The following TJP1 variants were observed in gnomAD, a reference collection of about 807,000 sequenced individuals.
The protein encoded by TJP1 is tight junction protein ZO-1.
Under a neutral mutation model 194.2 loss-of-function variants are expected in TJP1, and 43 were observed. The observed-to-expected ratio is 0.22, with a 90% CI of 0.17 to 0.29. TJP1 has a LOEUF of 0.29. Ranked by LOEUF, TJP1 falls within the 10% of genes least tolerant of loss-of-function variation. The pLI, the probability that TJP1 is intolerant of heterozygous loss-of-function variation, is 1.00. For missense variants in TJP1, 1,971 were observed against 2,185.7 expected (o/e 0.90, Z 1.96); for synonymous variants, 801 against 779.0 (o/e 1.03, Z -0.47).
At chr15:29,878,753 G>T (rs1182331459) in intron 2 of TJP1, among the ~76,000 whole-genome samples, 1 of 152,118 alleles carries the variant, frequency 6.6e-6, no homozygotes, top group Non-Finnish European at 1.5e-5. Context: ...ATTCTTCCTG[G>T]ACTGTCAGGG....
At chr15:29,905,062 T>G (rs7180307) in intron 2 of TJP1, among the ~76,000 whole-genome samples, 2 of 152,174 alleles carry the variant, frequency 1.3e-5, no homozygotes, top group African/African-American at 4.8e-5. Context: ...AAAGGATACA[T>G]TTTTGTTGTT....
Position 29,705,762 on chromosome 15 carries a change from G to C in TJP1, c.4851-17C>G, listed in dbSNP as rs2041858463. 4 of 1,611,140 alleles carry C rather than the reference G, an allele frequency of 2.5e-6. No homozygotes were observed. In the East Asian group the frequency reaches 8.9e-5, roughly 36 times the overall value. ...GCTGAAGGACTGAAAGTTCAGAAAT[G>C]GCTAGTGAGTGAATTCCTAATAATA... On this transcript the variant is annotated splice_polypyrimidine_tract_variant and intron_variant, in intron 25 of 27. Transcript: ENST00000614355.
intron 2 of TJP1, among the ~76,000 whole-genome samples, chr15:29,931,421 A>ACATAAAG (rs1348160824): frequency 6.6e-6 from 1 of 152,218 alleles, no homozygotes; most frequent in Non-Finnish European, 1.5e-5. Context: ...TAGTCACACA[A>ACATAAAG]CATAAAGTTT....
intron 2 of TJP1, among the ~76,000 whole-genome samples, chr15:29,856,523 T>C (rs898099468): frequency 6.6e-6 from 1 of 152,188 alleles, no homozygotes; most frequent in African/African-American, 2.4e-5. Context: ...ATTATAGTTA[T>C]ATTTTTACCT....
chr15:29,716,775 A>G lies in TJP1; in HGVS notation c.4038T>C (p.Tyr1346=), dbSNP rs1451481386. ...PPEDIVRSNH[Y]DPEEDEEYYR... ...AATATTCTTCATCTTCTTCAGGGTC[A>G]TAATGATTGGACCGAACAATATCTT... Residue 1346 remains tyrosine, a synonymous_variant, in exon 23 of 28, where the codon TAT becomes TAC. Transcript: ENST00000614355. 1.2e-6 allele frequency: 2 copies of G among 1,614,166 alleles called. No individual in the cohort carries two copies. Among genetic ancestry groups the G allele is most frequent in the Non-Finnish European group, 8.5e-7 (1 of 1,179,984 alleles).
intron 2 of TJP1, among the ~76,000 whole-genome samples, chr15:29,935,851 G>A (rs888708471): frequency 5.9e-5 from 9 of 151,938 alleles, no homozygotes; most frequent in African/African-American, 1.9e-4. Context: ...TTCAAAACCA[G>A]CAGTGCCAGC....
intron 15 of TJP1, among the ~76,000 whole-genome samples, chr15:29,731,574 A>G (rs1279581199): frequency 1.3e-5 from 2 of 152,236 alleles, no homozygotes; most frequent in Non-Finnish European, 2.9e-5. Context: ...GTTGTTAAAC[A>G]ACATGCTAAA....
intron 2 of TJP1, among the ~76,000 whole-genome samples, chr15:29,792,117 G>A (rs1048290040): frequency 6.6e-6 from 1 of 152,284 alleles, no homozygotes; most frequent in Middle Eastern, 3.4e-3. Context: ...GCAGCTTTGA[G>A]CTTGATGTGA....
intron 8 of TJP1, chr15:29,760,056 A>G (rs1267146467): frequency 3.8e-6 from 2 of 532,922 alleles, no homozygotes; most frequent in East Asian, 6.1e-5. Context: ...GTTTTCCAGA[A>G]TGGCCGTATC....
intron 1 of TJP1, among the ~76,000 whole-genome samples, chr15:29,961,971 C>T (rs2056180497): frequency 6.6e-6 from 1 of 152,198 alleles, no homozygotes; most frequent in African/African-American, 2.4e-5. Flanking sequence ...TGGTCAAGGA[C>T]ATGCAGGAGA....
chr15:29,949,446 C>A (rs2055471956), intron 2 of TJP1, among the ~76,000 whole-genome samples: 1 of 135,734 alleles, frequency 7.4e-6, no homozygotes, highest in African/African-American at 2.7e-5. Context: ...TCCACCTCCA[C>A]CTTCACCACC....
At chr15:29,739,096 C>T (rs940526526) in intron 10 of TJP1, among the ~76,000 whole-genome samples, 1 of 151,920 alleles carries the variant, frequency 6.6e-6, no homozygotes, top group African/African-American at 2.4e-5. Context: ...TTTGGAAATC[C>T]TCTTCTAACC....
At chr15:29,836,880 A>G (rs1401602990) in intron 2 of TJP1, among the ~76,000 whole-genome samples, 2 of 152,188 alleles carry the variant, frequency 1.3e-5, no homozygotes, top group East Asian at 3.9e-4. Flanking sequence ...ATACAGCCAC[A>G]AAGTGCCAAC....
At chr15:29,762,871 A>C (rs1025300774) in intron 5 of TJP1, among the ~76,000 whole-genome samples, 2 of 152,196 alleles carry the variant, frequency 1.3e-5, no homozygotes, top group African/African-American at 4.8e-5. Context: ...AGTAGCTGGG[A>C]CTAACAGACA....
At chr15:29,762,528 G>A (rs2046072465) in intron 5 of TJP1, 90 bp from the exon 6 acceptor site, 4 of 850,778 alleles carry the variant, frequency 4.7e-6, no homozygotes, top group Non-Finnish European at 7.2e-6. Context: ...ATTAACTACT[G>A]CATAGAGTTT....
chr15:29,832,483 G>GCTAAATACTGAGGTGGT (rs2050867476), intron 2 of TJP1, among the ~76,000 whole-genome samples: 1 of 152,124 alleles, frequency 6.6e-6, no homozygotes, highest in African/African-American at 2.4e-5. Context: ...TTTGTTACAT[G>GCTAAATACTGAGGTGGT]GCAATGACTG....
intron 1 of TJP1, among the ~76,000 whole-genome samples, chr15:29,810,903 A>G (rs1233411253): frequency 1.3e-5 from 2 of 152,194 alleles, no homozygotes; most frequent in Non-Finnish European, 2.9e-5. Flanking sequence ...ACTGTGTTAA[A>G]CTACACGAAT....
chr15:29,806,086 G>T lies in TJP1; in HGVS notation c.28-5384C>A, dbSNP rs535166295. On this transcript the variant is annotated intron_variant, in intron 1 of 27. Coordinates refer to ENST00000614355, the MANE Select transcript of TJP1 (RefSeq NM_001330239.4). ...ACTAAAGAATTTTCGACGATCAAAT[G>T]ATATAAGAATTCATCCTGAAGGCTG... is the stretch of plus-strand genomic sequence containing the variant. Among the ~76,000 whole-genome samples the T allele has an allele frequency of 5.3e-5, 8 of 152,256 alleles. No homozygotes were observed. The East Asian group carries it at 7.7e-4, about 15-fold the overall frequency.
chr15:29,861,732 G>C (rs2052088650), intron 2 of TJP1, among the ~76,000 whole-genome samples: 1 of 152,080 alleles, frequency 6.6e-6, no homozygotes, highest in African/African-American at 2.4e-5. Context: ...CCCACACTGT[G>C]GGTTGTCTTT....
Sources: gnomAD v4.1 joint callset for allele counts (sites outside exome capture counted in the v4.1 genomes callset) on GRCh38, gnomAD v4.1.1 for gene constraint, MANE v1.5 for transcripts, NCBI Gene and HGNC (gene_info 2026-07-23, HGNC 2026-07-21) for gene names.